EXOC6B: variants seen among roughly 807,000 people sequenced by gnomAD.
EXOC6B encodes SEC15 homolog B.
EXOC6B carries 54 observed loss-of-function variants against 113.5 expected under a neutral mutation model. The observed-to-expected ratio is 0.48, with a 90% CI of 0.38 to 0.60. EXOC6B has a LOEUF of 0.60. Among genes scored for constraint, EXOC6B ranks in the 20% least tolerant of loss-of-function variants. The pLI is 0.00. For missense variants in EXOC6B, 797 were observed against 977.5 expected, an observed-to-expected ratio of 0.82 and a Z score of 2.46; for synonymous variants, 357 against 339.0, an observed-to-expected ratio of 1.05 and a Z score of -0.58.
chr2:72,484,649 G>A (rs1051925835), intron 16 of EXOC6B, among the ~76,000 whole-genome samples: 2 of 150,406 alleles, frequency 1.3e-5, no homozygotes, highest in Non-Finnish European at 2.9e-5. Flanking sequence ...CCTTCCCTGT[G>A]TCCATGTGTT....
chr2:72,206,702 C>T (rs747807945), intron 20 of EXOC6B, among the ~76,000 whole-genome samples: 2 of 152,042 alleles, frequency 1.3e-5, no homozygotes, highest in Non-Finnish European at 2.9e-5. Flanking sequence ...CAGAGACTAA[C>T]AAAAAGCTCT....
At chr2:72,298,625 A>G (rs6727607) in intron 20 of EXOC6B, among the ~76,000 whole-genome samples, 55,749 of 152,066 alleles carry the variant, frequency 0.37, 16,711 homozygotes, top group African/African-American at 0.83. Flanking sequence ...GGCTGGTACC[A>G]GTTGTTCCTT....
intron 19 of EXOC6B, among the ~76,000 whole-genome samples, chr2:72,369,810 T>C (rs1014108424): frequency 2.6e-5 from 4 of 152,226 alleles, no homozygotes; most frequent in Admixed American, 2.0e-4. Flanking sequence ...GCTAGCCGTA[T>C]GTAGAAAGCT....
chr2:72,271,728 C>CA (rs1281762462), intron 20 of EXOC6B, among the ~76,000 whole-genome samples: 2 of 152,004 alleles, frequency 1.3e-5, no homozygotes, highest in Non-Finnish European at 1.5e-5. Context: ...GCACATATAC[C>CA]ACAACACATT....
chr2:72,573,702 T>A (rs1269841741), intron 7 of EXOC6B, among the ~76,000 whole-genome samples: 1 of 152,222 alleles, frequency 6.6e-6, no homozygotes. Flanking sequence ...ACTATTAATG[T>A]ACTTCATTTA....
intron 6 of EXOC6B, among the ~76,000 whole-genome samples, chr2:72,657,000 C>T (rs528733577): frequency 6.6e-6 from 1 of 152,040 alleles, no homozygotes; most frequent in South Asian, 2.1e-4. Context: ...TACAGGCATG[C>T]ACCACCATGC....
chr2:72,421,268 T>C (rs1210074159), intron 18 of EXOC6B, among the ~76,000 whole-genome samples: 1 of 152,230 alleles, frequency 6.6e-6, no homozygotes, highest in African/African-American at 2.4e-5. Flanking sequence ...GCCTTAAGTC[T>C]ATTTCTAGAT....
At chr2:72,818,011 G>A (rs1235952324) in intron 1 of EXOC6B, among the ~76,000 whole-genome samples, 3 of 151,898 alleles carry the variant, frequency 2.0e-5, no homozygotes, top group Non-Finnish European at 4.4e-5. Context: ...TCGCTCTGTC[G>A]CCCAGGCTGG....
chr2:72,498,480 C>T lies in EXOC6B; in HGVS notation c.1311G>A (p.Leu437=), dbSNP rs765332975. Residue 437 remains leucine, a synonymous_variant, in exon 13 of 22, where the codon CTG becomes CTA. Transcript: ENST00000272427. ...LEIRDQYSET[L]LKKWAGIFRN... is the part of the protein sequence containing the mutation. ...TGAAAATACCTGCCCACTTCTTTAG[C>T]AGAGTTTCACTATATTGGTCTCTGA... 1 of 1,611,374 alleles carries T rather than the reference C, an allele frequency of 6.2e-7. No homozygotes were observed. The highest frequency in any genetic ancestry group is 1.1e-5 in the South Asian group (1 of 90,680).
At chr2:72,385,396 T>C (rs1202677333) in intron 18 of EXOC6B, among the ~76,000 whole-genome samples, 1 of 149,634 alleles carries the variant, frequency 6.7e-6, no homozygotes, top group Non-Finnish European at 1.5e-5. Context: ...CCTGAAACTA[T>C]GAAACTACTA....
chr2:72,682,181 A>G (rs1676756936), intron 6 of EXOC6B, among the ~76,000 whole-genome samples: 1 of 152,190 alleles, frequency 6.6e-6, no homozygotes, highest in Non-Finnish European at 1.5e-5. Flanking sequence ...AAGGCCCTTG[A>G]GCTGTATTAA....
At chr2:72,811,535 T>C in intron 1 of EXOC6B, among the ~76,000 whole-genome samples, 1 of 152,190 alleles carries the variant, frequency 6.6e-6, no homozygotes, top group East Asian at 1.9e-4. Context: ...AGAAAATAGA[T>C]GAGGAGTGAG....
At chr2:72,507,165 A>G (rs982230573) in intron 11 of EXOC6B, among the ~76,000 whole-genome samples, 1 of 152,158 alleles carries the variant, frequency 6.6e-6, no homozygotes, top group African/African-American at 2.4e-5. Context: ...TAGAAAATAT[A>G]GACACATTTG....
At chr2:72,790,795 G>C (rs1684630460) in intron 1 of EXOC6B, among the ~76,000 whole-genome samples, 1 of 152,020 alleles carries the variant, frequency 6.6e-6, no homozygotes, top group African/African-American at 2.4e-5. Flanking sequence ...TGCTAAAATA[G>C]AAAACAATAT....
At chr2:72,533,698 A>T (rs1277704355) in intron 8 of EXOC6B, among the ~76,000 whole-genome samples, 1 of 152,220 alleles carries the variant, frequency 6.6e-6, no homozygotes, top group African/African-American at 2.4e-5. Flanking sequence ...TCCAGAAACT[A>T]CCAAGAACAT....
At chr2:72,617,124 C>T (rs1254331602) in intron 6 of EXOC6B, among the ~76,000 whole-genome samples, 2 of 152,222 alleles carry the variant, frequency 1.3e-5, no homozygotes, top group East Asian at 1.9e-4. Context: ...CTCCATGTCT[C>T]GCATCCAGGT....
At chr2:72,296,418 A>G (rs537072230) in intron 20 of EXOC6B, among the ~76,000 whole-genome samples, 1 of 152,324 alleles carries the variant, frequency 6.6e-6, no homozygotes, top group South Asian at 2.1e-4. Flanking sequence ...GAAGAAGGGA[A>G]GTTCTAAAGA....
At chr2:72,539,761 C>T (rs78438528) in intron 8 of EXOC6B, among the ~76,000 whole-genome samples, 133 of 149,886 alleles carry the variant, frequency 8.9e-4, no homozygotes, top group African/African-American at 2.7e-3. Context: ...CGCGCGCGCG[C>T]GCGTGTGTGT....
chr2:72,417,153 T>C (rs981146268), intron 18 of EXOC6B, among the ~76,000 whole-genome samples: 1 of 152,216 alleles, frequency 6.6e-6, no homozygotes, highest in African/African-American at 2.4e-5. Flanking sequence ...TAAATCTCAG[T>C]GGTTTATAAA....
Sources: allele counts gnomAD v4.1 joint callset (sites outside exome capture counted in the v4.1 genomes callset), GRCh38; gene constraint gnomAD v4.1.1; transcripts MANE v1.5; gene names NCBI Gene and HGNC (gene_info 2026-07-23, HGNC 2026-07-21).